CCDC62: variants seen among roughly 807,000 people sequenced by gnomAD.
CCDC62 encodes coiled-coil domain-containing protein 62.
A neutral mutation model predicts 80.8 loss-of-function variants in CCDC62; 72 were observed. That is an observed-to-expected ratio of 0.89 (90% CI 0.74 to 1.08). The LOEUF is 1.08. Among genes scored for constraint, CCDC62 ranks in the 50% least tolerant of loss-of-function variants. The probability of loss-of-function intolerance (pLI) is 0.00; values close to 1 mark genes in which losing one functional copy is unlikely to be tolerated. For synonymous variants in CCDC62, 286 were observed against 296.5 expected, an observed-to-expected ratio of 0.96 and a Z score of 0.36; for missense variants, 704 against 809.4, an observed-to-expected ratio of 0.87 and a Z score of 1.58.
At chr12:122,806,403 C>T (rs2031605020) in intron 10 of CCDC62, 108 bp downstream of exon 10, 4 of 582,452 alleles carry the variant, frequency 6.9e-6, no homozygotes, top group Non-Finnish European at 1.0e-5. Context: ...GCTATTCCTC[C>T]GTTTTTTTTT....
chr12:122,811,224 T>G (rs1325891069), intron 10 of CCDC62, among the ~76,000 whole-genome samples: 1 of 147,292 alleles, frequency 6.8e-6, no homozygotes, highest in Non-Finnish European at 1.5e-5. Context: ...TTTTTTTTTT[T>G]TTTTCAGACG....
chr12:122,793,219 G>A (rs1377208423), intron 6 of CCDC62, among the ~76,000 whole-genome samples: 3 of 152,136 alleles, frequency 2.0e-5, no homozygotes, highest in Non-Finnish European at 2.9e-5. Flanking sequence ...TTGTATGGGT[G>A]CTCAGAGTAG....
chr12:122,786,444 A>G (rs2030239713), intron 4 of CCDC62, among the ~76,000 whole-genome samples: 1 of 146,858 alleles, frequency 6.8e-6, no homozygotes, highest in Admixed American at 6.7e-5. Context: ...CACCGCGCTC[A>G]GCCAGAGGTT....
chr12:122,788,869 G>A lies in CCDC62; in HGVS notation c.610G>A (p.Glu204Lys), dbSNP rs370209442. 1.9e-6 allele frequency: 3 copies of A among 1,610,634 alleles called. No homozygotes were observed. In the African/African-American group the frequency reaches 4.0e-5, roughly 22 times the overall value. ...AKMAETCIVK[E>K]KQDYKQKLKA... ...GATGGCGGAGACTTGTATTGTGAAA[G>A]AAAAGCAAGATTATAAGCAGAAATT... Residue 204 changes from glutamate to lysine, a missense_variant, in exon 5 of 13, where the codon GAA becomes AAA. Glu to Lys is a moderately conservative substitution (Grantham distance 56, BLOSUM62 1). Coordinates refer to ENST00000253079, the MANE Select transcript of CCDC62 (RefSeq NM_201435.5).
chr12:122,779,177 T>G (rs543564860), intron 2 of CCDC62, among the ~76,000 whole-genome samples: 5 of 152,216 alleles, frequency 3.3e-5, no homozygotes, highest in Non-Finnish European at 7.3e-5. Context: ...AATAAATATA[T>G]TAAAAGTTTC....
intron 10 of CCDC62, among the ~76,000 whole-genome samples, chr12:122,807,176 A>G (rs1214623208): frequency 6.6e-6 from 1 of 152,188 alleles, no homozygotes; most frequent in Non-Finnish European, 1.5e-5. Flanking sequence ...CAGGATCAGC[A>G]TGGGCAACAT....
intron 6 of CCDC62, among the ~76,000 whole-genome samples, chr12:122,797,100 A>C (rs1345674937): frequency 4.0e-5 from 6 of 151,696 alleles, no homozygotes; most frequent in African/African-American, 1.5e-4. Flanking sequence ...CCAGTCTCGA[A>C]CTCTTGACCT....
chr12:122,789,351 G>C (rs936382277), intron 5 of CCDC62, among the ~76,000 whole-genome samples: 1 of 152,214 alleles, frequency 6.6e-6, no homozygotes, highest in East Asian at 1.9e-4. Context: ...ACATTTCATC[G>C]TCTTGCTATC....
chr12:122,800,170 T>A (rs2031210816), intron 8 of CCDC62, among the ~76,000 whole-genome samples: 1 of 133,248 alleles, frequency 7.5e-6, no homozygotes, highest in East Asian at 2.1e-4. Flanking sequence ...GCTACTTTTT[T>A]TTTTTTTTTT....
Position 122,823,387 on chromosome 12 carries a change from T to C in CCDC62, c.2023T>C (p.Ser675Pro). 6.2e-7 allele frequency: 1 copy of C among 1,613,296 alleles called. No homozygotes were observed. The highest frequency in any genetic ancestry group is 1.3e-5 in the African/African-American group (1 of 74,968). ...ATNKSEVPEE[S>P]AQKNTFVSY ...CTAGAAGTCAGAGGTCCCAGAAGAG[T>C]CAGCTCAAAAAAATACCTTTGTCAG... Residue 675 changes from serine to proline, a missense_variant, in exon 12 of 13, where the codon TCA becomes CCA. Coordinates refer to ENST00000253079, the MANE Select transcript of CCDC62 (RefSeq NM_201435.5).
intron 10 of CCDC62, among the ~76,000 whole-genome samples, chr12:122,809,485 G>A (rs969738846): frequency 2.0e-5 from 3 of 147,788 alleles, no homozygotes; most frequent in African/African-American, 7.5e-5. Flanking sequence ...GCCAGACCCT[G>A]TCTTAAAAAA....
intron 9 of CCDC62, 87 bp from the exon 10 acceptor site, chr12:122,806,062 GTC>G: frequency 8.4e-7 from 1 of 1,196,086 alleles, no homozygotes; most frequent in Non-Finnish European, 1.2e-6. Flanking sequence ...ACACTTATTT[GTC>G]CTTTTAAGAT....
At chr12:122,810,848 T>C (rs2031837975) in intron 10 of CCDC62, among the ~76,000 whole-genome samples, 1 of 152,070 alleles carries the variant, frequency 6.6e-6, no homozygotes. Flanking sequence ...CCATAAAAAA[T>C]GATGAGTTCG....
At chr12:122,787,668 T>G (rs1370368186) in intron 4 of CCDC62, among the ~76,000 whole-genome samples, 1 of 151,658 alleles carries the variant, frequency 6.6e-6, no homozygotes, top group East Asian at 1.9e-4. Context: ...GGAGAATTGC[T>G]TGAACCCAGG....
chr12:122,787,456 A>AG, intron 4 of CCDC62, among the ~76,000 whole-genome samples: 1 of 151,774 alleles, frequency 6.6e-6, no homozygotes, highest in Non-Finnish European at 1.5e-5. Context: ...GTCTCAAAAA[A>AG]AAAAAAAAAA....
intron 11 of CCDC62, among the ~76,000 whole-genome samples, chr12:122,821,513 G>A (rs1005135532): frequency 8.5e-5 from 13 of 152,146 alleles, no homozygotes; most frequent in East Asian, 3.9e-4. Flanking sequence ...GCAGTGGCAC[G>A]ATCATGGCTC....
chr12:122,810,162 G>A (rs373527209), intron 10 of CCDC62, among the ~76,000 whole-genome samples: 18 of 152,008 alleles, frequency 1.2e-4, no homozygotes, highest in South Asian at 6.2e-4. Context: ...AGCCAAAATC[G>A]GCAAATGGGT....
chr12:122,822,873 T>C (rs1438718777), intron 11 of CCDC62, among the ~76,000 whole-genome samples: 3 of 152,244 alleles, frequency 2.0e-5, no homozygotes, highest in Non-Finnish European at 2.9e-5. Flanking sequence ...GATCCACTCA[T>C]CTGCTGACAG....
intron 12 of CCDC62, among the ~76,000 whole-genome samples, chr12:122,823,972 C>T (rs571405122): frequency 6.6e-6 from 1 of 151,506 alleles, no homozygotes; most frequent in Admixed American, 6.6e-5. Flanking sequence ...GGCAACAGAG[C>T]AAGACTCCGT....
Sources: allele counts gnomAD v4.1 joint callset (sites outside exome capture counted in the v4.1 genomes callset), GRCh38; gene constraint gnomAD v4.1.1; transcripts MANE v1.5; gene names NCBI Gene and HGNC (gene_info 2026-07-23, HGNC 2026-07-21).